Variants in ANKS1A observed in about 807,000 individuals in gnomAD.
ANKS1A encodes the protein ankyrin repeat and sterile alpha motif domain containing 1A, also known as ankyrin repeat and SAM domain-containing protein 1A.
Under a neutral mutation model 120.3 loss-of-function variants are expected in ANKS1A, and 55 were observed. The observed-to-expected ratio is 0.46, with a 90% CI of 0.37 to 0.57. ANKS1A has a LOEUF of 0.57. Among genes scored for constraint, ANKS1A ranks in the 20% least tolerant of loss-of-function variants. The probability of loss-of-function intolerance (pLI) is 0.00; values close to 1 mark genes in which losing one functional copy is unlikely to be tolerated. For synonymous variants in ANKS1A, 590 were observed against 604.7 expected (o/e 0.98, Z 0.36); for missense variants, 1,123 against 1,480.3 (o/e 0.76, Z 3.96).
In ANKS1A at chr6:35,085,803, C is replaced by T; in HGVS notation, c.3170C>T (p.Ala1057Val). Residue 1057 changes from alanine (A) to valine (V), a missense_variant, in exon 22 of 24, where the codon GCC becomes GTC. Ala to Val is a moderately conservative substitution (Grantham distance 64). Transcript: ENST00000360359. This position sits in a 1 kb window ranked among gnomAD's most constrained non-coding sequence, Gnocchi z 4.7. The part of the protein sequence containing the change: ...TYEIILTLGQ[A>V]FEVAYQLALQ... ...GAGATCATCCTGACGCTGGGGCAGG[C>T]CTTCGAAGTGGCCTATCAGTTGGCC... is the stretch of plus-strand genomic sequence containing the variant. The T allele has an allele frequency of 6.2e-7, 1 of 1,610,094 alleles. No homozygotes were observed. Among genetic ancestry groups the T allele is most frequent in the Non-Finnish European group, 8.5e-7 (1 of 1,178,142 alleles).
rs986123486 is a variant in ANKS1A at position 35,058,882 on chromosome 6, C to T, written c.2078-1265C>T. On this transcript the variant is annotated intron_variant, in intron 12 of 23. Coordinates refer to ENST00000360359, the MANE Select transcript of ANKS1A (RefSeq NM_015245.3). The surrounding 1 kb of genome is among the most constrained non-coding windows in gnomAD (Gnocchi z 5.1). Reference sequence around the variant, plus strand: ...GCACCACCAAAATCCCCATGCTGATCGAGGAGCAAATAGATGTCCTCCCTT... The same window carrying T: ...GCACCACCAAAATCCCCATGCTGATTGAGGAGCAAATAGATGTCCTCCCTT... 6.6e-6 allele frequency among the ~76,000 whole-genome samples: 1 copy of T among 152,178 alleles called. No homozygotes were observed. Among genetic ancestry groups the T allele is most frequent in the African/African-American group, 2.4e-5 (1 of 41,446 alleles).
At chr6:35,070,440 A>C (rs997257155) in intron 13 of ANKS1A, among the ~76,000 whole-genome samples, 1 of 150,270 alleles carries the variant, frequency 6.7e-6, no homozygotes, top group African/African-American at 2.4e-5. Context: ...CACCTAGGAC[A>C]CCTAATCTAC....
chr6:34,894,646 C>T (rs904333498), intron 1 of ANKS1A, among the ~76,000 whole-genome samples: 3 of 152,034 alleles, frequency 2.0e-5, no homozygotes, highest in Admixed American at 6.6e-5. Flanking sequence ...AGCTAGACCA[C>T]GTCCTCACAC....
chr6:34,892,277 A>G (rs533999065), intron 1 of ANKS1A, among the ~76,000 whole-genome samples: 2 of 152,260 alleles, frequency 1.3e-5, no homozygotes, highest in African/African-American at 4.8e-5. Context: ...CTAGTAAAAG[A>G]TTTCTGAGCA....
At chr6:34,999,001 G>A (rs907721298) in intron 10 of ANKS1A, among the ~76,000 whole-genome samples, 2 of 152,216 alleles carry the variant, frequency 1.3e-5, no homozygotes, top group Admixed American at 6.5e-5. Context: ...CTGATGGGAC[G>A]CCTTGCCAGA....
At chr6:35,088,256 G>A (rs1054452140) in intron 23 of ANKS1A, among the ~76,000 whole-genome samples, 17 of 152,222 alleles carry the variant, frequency 1.1e-4, no homozygotes, top group African/African-American at 3.9e-4. Flanking sequence ...TCCAGTGTGG[G>A]CAAATCAGTT....
chr6:34,920,301 G>A (rs564103435), intron 1 of ANKS1A, among the ~76,000 whole-genome samples: 16 of 151,524 alleles, frequency 1.1e-4, no homozygotes, highest in African/African-American at 3.6e-4. Flanking sequence ...CTGCAGCCTC[G>A]AACTTTTGCG....
Position 35,046,185 on chromosome 6 carries a change from G to A in ANKS1A, c.2011-7914G>A, listed in dbSNP as rs1775713244. Among the ~76,000 whole-genome samples, 5 of 152,028 alleles carry A rather than the reference G, an allele frequency of 3.3e-5. No individual in the cohort carries two copies. In the South Asian group the frequency reaches 1.0e-3, roughly 32 times the overall value. On this transcript the variant is annotated intron_variant, in intron 11 of 23. Transcript: ENST00000360359. ...GTTTCCCAGGGTGTACTCATCCTGG[G>A]AACACTGATAATTGAGTTTTCAGAC...
At chr6:35,042,335 C>CCCT (rs1775501639) in intron 11 of ANKS1A, among the ~76,000 whole-genome samples, 1 of 152,132 alleles carries the variant, frequency 6.6e-6, no homozygotes, top group African/African-American at 2.4e-5. Context: ...CATGTCTCCC[C>CCCT]CCTCTCATTT....
chr6:34,988,590 T>G (rs914604554), intron 8 of ANKS1A, among the ~76,000 whole-genome samples: 1 of 152,300 alleles, frequency 6.6e-6, no homozygotes, highest in East Asian at 1.9e-4. Context: ...AGTGAGACTC[T>G]GCCTCAAAAA....
In ANKS1A at chr6:35,084,258, G is replaced by A; in HGVS notation, c.3132G>A (p.Val1044=). Residue 1044 remains valine, a splice_region_variant and synonymous_variant, in exon 21 of 24, where the codon GTG becomes GTA. Transcript: ENST00000360359. This position sits in a 1 kb window ranked among gnomAD's most constrained non-coding sequence, Gnocchi z 4.8. ...HYCHVFSTVD[V]NLTYEIILTL... ...GCCATGTGTTCAGCACCGTGGATGTGGTGGGTGGGGTCCTGGGGCCGGGTG... is the reference window on the plus strand; with the variant it reads ...GCCATGTGTTCAGCACCGTGGATGTAGTGGGTGGGGTCCTGGGGCCGGGTG... 1 of 1,613,922 alleles carries A rather than the reference G, an allele frequency of 6.2e-7. No individual in the cohort carries two copies. Among genetic ancestry groups the A allele is most frequent in the Non-Finnish European group, 8.5e-7 (1 of 1,179,950 alleles).
At chr6:35,039,734 C>T (rs1478636732) in intron 11 of ANKS1A, 2 of 418,722 alleles carry the variant, frequency 4.8e-6, no homozygotes, top group Non-Finnish European at 9.8e-6. Context: ...TGAGAAAGGT[C>T]ATTTTTCCCA....
chr6:35,079,255 C>G (rs1045912286), intron 14 of ANKS1A, among the ~76,000 whole-genome samples: 1 of 152,208 alleles, frequency 6.6e-6, no homozygotes, highest in African/African-American at 2.4e-5. Flanking sequence ...TGCAGACCCC[C>G]CCTCCCTACC....
intron 10 of ANKS1A, among the ~76,000 whole-genome samples, chr6:34,997,852 G>A (rs569454079): frequency 6.6e-6 from 1 of 152,226 alleles, no homozygotes; most frequent in Non-Finnish European, 1.5e-5. Context: ...CATATCAAGA[G>A]ATCGTCAGGT....
chr6:35,010,585 G>A (rs1773711814), intron 10 of ANKS1A, among the ~76,000 whole-genome samples: 1 of 152,228 alleles, frequency 6.6e-6, no homozygotes, highest in Non-Finnish European at 1.5e-5. Flanking sequence ...AGGTGGCTGT[G>A]AACCTGTCTA....
rs1777767775 is a variant in ANKS1A at position 35,082,911 on chromosome 6, AGGCCCAG to A, written c.2835+99_2835+105del. On this transcript the variant is annotated intron_variant, in intron 18 of 23. Coordinates refer to ENST00000360359, the MANE Select transcript of ANKS1A (RefSeq NM_015245.3). This position sits in a 1 kb window ranked among gnomAD's most constrained non-coding sequence, Gnocchi z 4.1. Reference sequence around the variant, plus strand: ...GTCCCAGCAGGGACTCCACAAAGCCAGGCCCAGGGCTTTTGAGCTGTTCTCCACTCTC... The same window carrying A: ...GTCCCAGCAGGGACTCCACAAAGCCAGGCTTTTGAGCTGTTCTCCACTCTC... 6.5e-7 allele frequency: 1 copy of A among 1,533,402 alleles called. No homozygotes were observed. The highest frequency in any genetic ancestry group is 1.3e-5 in the South Asian group (1 of 77,594). 95.0% of individuals were successfully genotyped at this position (1,533,402 alleles called of 1,614,324 possible). A position where few individuals can be genotyped will look rare whatever the true frequency, so the allele number is the denominator to read the frequency against.
At chr6:35,075,541 G>A (rs541922657) in intron 13 of ANKS1A, among the ~76,000 whole-genome samples, 1 of 149,670 alleles carries the variant, frequency 6.7e-6, no homozygotes, top group South Asian at 2.1e-4. Flanking sequence ...TCAGCCTCCC[G>A]AGTAGCTGGG....
rs559612394 is a variant in ANKS1A at position 34,948,478 on chromosome 6, C to G, written c.198-18761C>G. ...AAGGATTCTGAGAAGAGGGTAGCTCCTCATATCCTGGCTCTCTTGATTCAA... is the reference window on the plus strand; with the variant it reads ...AAGGATTCTGAGAAGAGGGTAGCTCGTCATATCCTGGCTCTCTTGATTCAA... On this transcript the variant is annotated intron_variant, in intron 1 of 23. Transcript: ENST00000360359. Among the ~76,000 whole-genome samples the G allele has an allele frequency of 3.3e-5, 5 of 152,220 alleles. No homozygotes were observed. In the South Asian group the frequency reaches 1.0e-3, roughly 32 times the overall value.
At chr6:35,091,411 T>TAATTC, downstream of ANKS1A, 3 of 985,484 alleles carry the variant, frequency 3.0e-6, no homozygotes, top group Non-Finnish European at 3.6e-6. Context: ...AACGCAGCCT[T>TAATTC]AATTCTTCTG....
Sources: allele counts gnomAD v4.1 joint callset (sites outside exome capture counted in the v4.1 genomes callset), GRCh38; gene constraint gnomAD v4.1.1; non-coding constraint Gnocchi (gnomAD v3.1); transcripts MANE v1.5; gene names NCBI Gene and HGNC (gene_info 2026-07-23, HGNC 2026-07-21).